IL3RA: variants seen among roughly 807,000 people sequenced by gnomAD.
The protein encoded by IL3RA is interleukin-3 receptor subunit alpha.
In IL3RA, 73 loss-of-function variants were observed where a neutral mutation model predicts 52.3. That is an observed-to-expected ratio of 1.40 (90% CI 1.16 to 1.70). The LOEUF (loss-of-function observed/expected upper bound fraction) is 1.70, where lower values mean the gene tolerates loss of function less well. Ranked by LOEUF, IL3RA falls within the 40% of genes most tolerant of loss-of-function variation. IL3RA has a pLI of 0.00. For synonymous variants in IL3RA, 260 were observed against 194.0 expected (o/e 1.34, Z -2.83); for missense variants, 664 against 504.4 (o/e 1.32, Z -3.03).
chrX:1,352,064 C>T (rs2086111495), intron 4 of IL3RA, 36 bp from the exon 5 acceptor site: 2 of 1,609,386 alleles, frequency 1.2e-6, no homozygotes, highest in Non-Finnish European at 1.7e-6. Flanking sequence ...CGCGCCCGGT[C>T]CCGATTCGAG....
At chrX:1,348,382 A>C (rs1225180116) in intron 3 of IL3RA, 49 bp from the exon 4 acceptor site, 14 of 1,422,044 alleles carry the variant, frequency 9.8e-6, no homozygotes, top group Admixed American at 1.7e-5. Flanking sequence ...ATTAGCGTCA[A>C]ATTAAGCATG....
chrX:1,379,032 G>A (rs1182892250), intron 10 of IL3RA, among the ~76,000 whole-genome samples: 6 of 152,014 alleles, frequency 3.9e-5, no homozygotes, highest in African/African-American at 1.2e-4. Context: ...TAGTAGAGAC[G>A]GGGTTTTGCC....
intron 8 of IL3RA, among the ~76,000 whole-genome samples, chrX:1,360,764 G>A (rs1397082185): frequency 5.3e-5 from 8 of 151,764 alleles, no homozygotes; most frequent in African/African-American, 1.9e-4. Flanking sequence ...CTGACCTCAG[G>A]CGATCCACCT....
intron 9 of IL3RA, among the ~76,000 whole-genome samples, chrX:1,368,052 G>A (rs186998504): frequency 1.3e-5 from 2 of 152,130 alleles, no homozygotes; most frequent in Non-Finnish European, 2.9e-5. Flanking sequence ...AAGGTCAGGA[G>A]ATCGAGACCA....
chrX:1,380,295 T>C (rs2089082079), intron 10 of IL3RA, among the ~76,000 whole-genome samples: 1 of 148,554 alleles, frequency 6.7e-6, no homozygotes, highest in South Asian at 2.2e-4. Flanking sequence ...CCCAAAGTGC[T>C]GGCATTACAG....
At chrX:1,337,867 C>T in intron 1 of IL3RA, among the ~76,000 whole-genome samples, 1 of 151,274 alleles carries the variant, frequency 6.6e-6, no homozygotes, top group East Asian at 1.9e-4. Context: ...GTGGAGACAG[C>T]CCTCATACCC....
intron 11 of IL3RA, among the ~76,000 whole-genome samples, chrX:1,381,432 G>A (rs778982046): frequency 4.6e-5 from 7 of 152,214 alleles, no homozygotes; most frequent in Admixed American, 2.0e-4. Flanking sequence ...TGGCGCTGGT[G>A]GGCGGCTGGG....
At chrX:1,345,705 G>T (rs1352078129) in intron 3 of IL3RA, among the ~76,000 whole-genome samples, 173 of 151,666 alleles carry the variant, frequency 1.1e-3, no homozygotes, top group Middle Eastern at 6.9e-3. Flanking sequence ...TTAGCCAGGA[G>T]GGTCTCGATC....
At chrX:1,348,660 TTC>T (rs372310197) in intron 4 of IL3RA, 115 bp downstream of exon 4, 35 of 434,956 alleles carry the variant, frequency 8.0e-5, no homozygotes, top group African/African-American at 4.0e-4. Flanking sequence ...CTTTCTTTCT[TTC>T]TTTCTTTCTT....
At chrX:1,358,822 G>A (rs1306946731) in intron 7 of IL3RA, 39 bp from the exon 8 acceptor site, 1 of 1,612,398 alleles carries the variant, frequency 6.2e-7, no homozygotes, top group South Asian at 1.1e-5. Context: ...TTCAGGGACG[G>A]TCCAGACACT....
intron 6 of IL3RA, among the ~76,000 whole-genome samples, chrX:1,355,788 G>C (rs1198940666): frequency 3.3e-5 from 5 of 151,986 alleles, no homozygotes; most frequent in African/African-American, 7.3e-5. Flanking sequence ...GTGTGCTGCA[G>C]GTGGGCAGAG....
chrX:1,348,022 G>C (rs1228304508), intron 3 of IL3RA, among the ~76,000 whole-genome samples: 1 of 118,568 alleles, frequency 8.4e-6, no homozygotes, highest in Non-Finnish European at 1.7e-5. Flanking sequence ...GGGCGACAGA[G>C]CGAGACTCCC....
chrX:1,357,045 C>T (rs1907091971), intron 7 of IL3RA, among the ~76,000 whole-genome samples: 3 of 151,796 alleles, frequency 2.0e-5, no homozygotes, highest in South Asian at 2.1e-4. Context: ...CTCTGCCTCC[C>T]GGGTTCAAGT....
At chrX:1,382,041 T>C (rs190011491) in intron 11 of IL3RA, among the ~76,000 whole-genome samples, 3,026 of 151,240 alleles carry the variant, frequency 0.02, 106 homozygotes, top group East Asian at 0.17. Flanking sequence ...ACCTTCCCGG[T>C]TGAAGGTTCA....
At chrX:1,366,137 G>C (rs1224946460) in intron 9 of IL3RA, among the ~76,000 whole-genome samples, 2 of 13,236 alleles carry the variant, frequency 1.5e-4, no homozygotes, top group Non-Finnish European at 1.2e-4. Context: ...CGGGGTGAGC[G>C]GGGTGCGCGG....
chrX:1,379,160 TATG>T (rs1328042773), intron 10 of IL3RA, among the ~76,000 whole-genome samples: 2 of 145,620 alleles, frequency 1.4e-5, no homozygotes, highest in African/African-American at 5.1e-5. Flanking sequence ...TTATTATTGT[TATG>T]ATTATTATTA....
chrX:1,382,375 CCTCTCGT>C lies in IL3RA; in HGVS notation c.1063-11_1063-5del. The C allele has an allele frequency of 6.2e-7, 1 of 1,612,062 alleles. No individual in the cohort carries two copies. Among genetic ancestry groups the C allele is most frequent in the Non-Finnish European group, 8.5e-7 (1 of 1,178,418 alleles). On this transcript the variant is annotated splice_polypyrimidine_tract_variant and intron_variant, in intron 11 of 11. Coordinates refer to ENST00000331035, the MANE Select transcript of IL3RA (RefSeq NM_002183.4). ...GGGGGGTGGCCGACTCACCCTGCCT[CCTCTCGT>C]CTCTGCAGGTGGTCTGGGAGGCGGG...
At chrX:1,344,714 G>A (rs138652407) in intron 2 of IL3RA, among the ~76,000 whole-genome samples, 1,915 of 150,360 alleles carry the variant, frequency 0.013, 41 homozygotes, top group African/African-American at 0.042. Context: ...TAGAGGTTGC[G>A]GTGAGCTGAG....
At position 1,367,725 on chromosome X, in the gene IL3RA, C is replaced by A. The variant is rs1351894867; in HGVS notation, c.874+2473C>A. 3.4e-3 allele frequency among the ~76,000 whole-genome samples: 358 copies of A among 105,842 alleles called. 9 individuals carry two copies. The highest frequency in any genetic ancestry group is 0.013 in the African/African-American group (338 of 26,002). 69.4% of individuals were successfully genotyped at this position (105,842 alleles called of 152,430 possible). Reference sequence around the variant, plus strand: ...CCGGGTGCGCGGGGTGAGCGGGGTGCGCCGGGTGAGCGGGGTGCGCGGGGT... The same window carrying A: ...CCGGGTGCGCGGGGTGAGCGGGGTGAGCCGGGTGAGCGGGGTGCGCGGGGT... On this transcript the variant is annotated intron_variant, in intron 9 of 11. Transcript: ENST00000331035.
Sources: allele counts gnomAD v4.1 joint callset (sites outside exome capture counted in the v4.1 genomes callset), GRCh38; gene constraint gnomAD v4.1.1; transcripts MANE v1.5; gene names NCBI Gene and HGNC (gene_info 2026-07-23, HGNC 2026-07-21).